FAM222A: variants seen among roughly 807,000 people sequenced by gnomAD.
The protein encoded by FAM222A is protein FAM222A.
In FAM222A, 7 loss-of-function variants were observed where a neutral mutation model predicts 25.8. The ratio of observed to expected loss-of-function variants is 0.27; its 90% CI spans 0.15 to 0.51. The LOEUF (loss-of-function observed/expected upper bound fraction) is 0.51. FAM222A is among the 20% of genes least tolerant of loss of function. The pLI is 0.97. For synonymous variants in FAM222A, 294 were observed against 298.8 expected, an observed-to-expected ratio of 0.98 and a Z score of 0.17; for missense variants, 573 against 640.5, an observed-to-expected ratio of 0.89 and a Z score of 1.14.
chr12:109,727,200 C>A (rs1198299460), intron 1 of FAM222A, among the ~76,000 whole-genome samples: 1 of 152,128 alleles, frequency 6.6e-6, no homozygotes, highest in Non-Finnish European at 1.5e-5. Flanking sequence ...GACACACTGG[C>A]CTTTGTGTGA....
In FAM222A at chr12:109,768,879, G is replaced by A. The variant is rs372883214; in HGVS notation, c.950G>A (p.Gly317Glu). 4.7e-5 allele frequency: 75 copies of A among 1,582,998 alleles called. No homozygotes were observed. In the African/African-American group the frequency reaches 9.9e-4, roughly 21 times the overall value. Reference sequence around the variant, plus strand: ...GCCAGCAAGTCCCCTGAGGCTTGCGGGGGCCGGGCATACGAGCGGGCCAGC... The same window carrying A: ...GCCAGCAAGTCCCCTGAGGCTTGCGAGGGCCGGGCATACGAGCGGGCCAGC... The part of the protein sequence containing the change: ...TVASKSPEAC[G>E]GRAYERASGS... Residue 317 changes from glycine (G) to glutamate (E), a missense_variant, in exon 3 of 3, where the codon GGG becomes GAG. Gly to Glu is a moderately conservative substitution (Grantham distance 98, BLOSUM62 -2). Coordinates refer to ENST00000538780, the MANE Select transcript of FAM222A (RefSeq NM_032829.3).
At chr12:109,743,927 G>A in intron 1 of FAM222A, 174 bp from the exon 2 acceptor site, 2 of 985,424 alleles carry the variant, frequency 2.0e-6, no homozygotes, top group Non-Finnish European at 2.4e-6. Context: ...GCCACAGATG[G>A]GCCTCTTGAT....
At chr12:109,727,964 G>C (rs1204453513) in intron 1 of FAM222A, among the ~76,000 whole-genome samples, 3 of 152,158 alleles carry the variant, frequency 2.0e-5, no homozygotes, top group Non-Finnish European at 4.4e-5. Context: ...GGGCCCTGTT[G>C]AGGGCCACCA....
chr12:109,747,483 G>A (rs1888434756), intron 2 of FAM222A, among the ~76,000 whole-genome samples: 1 of 151,988 alleles, frequency 6.6e-6, no homozygotes, highest in African/African-American at 2.4e-5. Flanking sequence ...TTATTTTCTT[G>A]TCTGAACTAT....
At chr12:109,729,188 T>G (rs370242354) in intron 1 of FAM222A, among the ~76,000 whole-genome samples, 3 of 152,046 alleles carry the variant, frequency 2.0e-5, no homozygotes, top group South Asian at 2.1e-4. Flanking sequence ...TTTGGGTTTT[T>G]CCCCCAAGAG....
intron 1 of FAM222A, chr12:109,734,971 T>A (rs949768410): frequency 4.6e-5 from 7 of 152,416 alleles, no homozygotes; most frequent in Non-Finnish European, 1.0e-4. Context: ...AACTCTGGGA[T>A]GTGGAGTGGT....
At chr12:109,748,386 C>T (rs1888468232) in intron 2 of FAM222A, among the ~76,000 whole-genome samples, 1 of 127,986 alleles carries the variant, frequency 7.8e-6, no homozygotes, top group African/African-American at 3.0e-5. Flanking sequence ...TGCTATGTTA[C>T]ACTGACATCA....
chr12:109,769,096 G>A lies in FAM222A; in HGVS notation c.1167G>A (p.Ser389=), dbSNP rs142924061. 1.9e-5 allele frequency: 30 copies of A among 1,608,076 alleles called. No homozygotes were observed. Among genetic ancestry groups the A allele is most frequent in the East Asian group, 4.5e-5 (2 of 44,718 alleles). ...CTGGGCCCCCTGCAGATGCCCTCTC[G>A]GGCCTGCCCAGCAAGAGTGTGTGCA... ...ELAGPPADAL[S]GLPSKSVCNT... Residue 389 remains serine, a synonymous_variant, in exon 3 of 3, where the codon TCG becomes TCA. Coordinates refer to ENST00000538780, the MANE Select transcript of FAM222A (RefSeq NM_032829.3).
At chr12:109,745,985 CTCTG>C (rs1419601540) in intron 2 of FAM222A, among the ~76,000 whole-genome samples, 11 of 151,450 alleles carry the variant, frequency 7.3e-5, no homozygotes, top group African/African-American at 2.4e-5. Context: ...GGAATCAGAC[CTCTG>C]TCTGTGCTAT....
chr12:109,732,070 G>A (rs1163283532), intron 1 of FAM222A, among the ~76,000 whole-genome samples: 2 of 152,158 alleles, frequency 1.3e-5, no homozygotes, highest in Admixed American at 1.3e-4. Flanking sequence ...GTAAGAGGAC[G>A]TTTGTTACTC....
intron 2 of FAM222A, among the ~76,000 whole-genome samples, chr12:109,764,861 G>A (rs532005160): frequency 6.6e-5 from 10 of 152,246 alleles, no homozygotes; most frequent in African/African-American, 9.6e-5. Context: ...ATCCAATCTC[G>A]GAGAAAGATT....
intron 2 of FAM222A, among the ~76,000 whole-genome samples, chr12:109,759,769 G>T (rs1888838632): frequency 1.3e-5 from 2 of 152,184 alleles, no homozygotes; most frequent in South Asian, 4.1e-4. Flanking sequence ...GGCTGCCCCT[G>T]CAACCTCTCA....
At chr12:109,756,670 G>A (rs994659308) in intron 2 of FAM222A, among the ~76,000 whole-genome samples, 1 of 152,156 alleles carries the variant, frequency 6.6e-6, no homozygotes, top group African/African-American at 2.4e-5. Flanking sequence ...TTTGGATGTT[G>A]AACCAACCTT....
Position 109,744,118 on chromosome 12 carries a change from G to A in FAM222A, c.-29G>A, listed in dbSNP as rs199751946. ...TCCTGCAGGGACCCAGTCGCAGAGC[G>A]CACCCCACTGGGGACCCCCAGCTCA... On this transcript the variant is annotated 5_prime_UTR_variant, in exon 2 of 3. Coordinates refer to ENST00000538780, the MANE Select transcript of FAM222A (RefSeq NM_032829.3). 61 of 1,608,368 alleles carry A rather than the reference G, an allele frequency of 3.8e-5. No homozygotes were observed. The highest frequency in any genetic ancestry group is 1.7e-4 in the Admixed American group (10 of 59,694).
At chr12:109,764,872 C>A (rs1350271435) in intron 2 of FAM222A, among the ~76,000 whole-genome samples, 1 of 152,096 alleles carries the variant, frequency 6.6e-6, no homozygotes, top group Non-Finnish European at 1.5e-5. Flanking sequence ...GAGAAAGATT[C>A]CCCCGTTGGC....
chr12:109,744,342 A>AGGCCCCCAGGCCTT (rs1194713106), intron 2 of FAM222A, 114 bp downstream of exon 2: 26 of 1,439,392 alleles, frequency 1.8e-5, no homozygotes, highest in African/African-American at 4.3e-5. Flanking sequence ...ATGCTCTCTT[A>AGGCCCCCAGGCCTT]GGCCCCCAGG....
Position 109,769,297 on chromosome 12 carries a change from C to A in FAM222A, c.*9C>A. ...TACCCGTCTACAGATAAGGCCTGCC[C>A]TGCGGACATACGGACATGCGGACAG... On this transcript the variant is annotated 3_prime_UTR_variant, in exon 3 of 3. Transcript: ENST00000538780. 1 of 1,602,464 alleles carries A rather than the reference C, an allele frequency of 6.2e-7. No individual in the cohort carries two copies. The highest frequency in any genetic ancestry group is 8.5e-7 in the Non-Finnish European group (1 of 1,175,114).
intron 2 of FAM222A, among the ~76,000 whole-genome samples, chr12:109,753,565 G>C (rs1005453152): frequency 1.3e-5 from 2 of 152,028 alleles, no homozygotes; most frequent in Non-Finnish European, 2.9e-5. Context: ...ATCCCGGGGG[G>C]GGGAGCCTCT....
intron 1 of FAM222A, among the ~76,000 whole-genome samples, chr12:109,717,061 G>A (rs1887658931): frequency 6.6e-6 from 1 of 152,188 alleles, no homozygotes; most frequent in Admixed American, 6.5e-5. Flanking sequence ...CCTCCCATGG[G>A]GTTTGGGGGA....
Sources: gnomAD v4.1 joint callset for allele counts (sites outside exome capture counted in the v4.1 genomes callset) on GRCh38, gnomAD v4.1.1 for gene constraint, MANE v1.5 for transcripts, NCBI Gene and HGNC (gene_info 2026-07-23, HGNC 2026-07-21) for gene names.